Variants in REXO5 observed in about 807,000 individuals in gnomAD.
REXO5 encodes the protein RNA exonuclease 5.
A neutral mutation model predicts 88.5 loss-of-function variants in REXO5; 48 were observed. That is an observed-to-expected ratio of 0.54 (90% CI 0.43 to 0.69). The LOEUF (loss-of-function observed/expected upper bound fraction) is 0.69. Among genes scored for constraint, REXO5 ranks in the 30% least tolerant of loss-of-function variants. The probability of loss-of-function intolerance (pLI) is 0.00; values close to 1 mark genes in which losing one functional copy is unlikely to be tolerated. For missense variants in REXO5, 749 were observed against 912.2 expected (o/e 0.82, Z 2.30); for synonymous variants, 311 against 336.5 (o/e 0.92, Z 0.83).
At chr16:20,808,536 T>C (rs2080946579) in intron 2 of REXO5, among the ~76,000 whole-genome samples, 1 of 152,012 alleles carries the variant, frequency 6.6e-6, no homozygotes, top group Admixed American at 6.6e-5. Flanking sequence ...ACTGCCCTAG[T>C]AGGTCTTATA....
rs375378143 is a variant in REXO5, at chr16:20,840,479, A to G, written c.1626+11A>G. On this transcript the variant is annotated intron_variant, in intron 15 of 19. Transcript: ENST00000261377. ...CTTGAAACCCGTCAGGTAAGACCGG[A>G]AAATTCAGATTTCATTTTCTAGATT... is the stretch of plus-strand genomic sequence containing the variant. 56 of 1,537,092 alleles carry G rather than the reference A, an allele frequency of 3.6e-5. 1 individual carries two copies. The South Asian group carries it at 4.6e-4, about 13-fold the overall frequency.
At chr16:20,830,538 A>G (rs2152506916) in intron 11 of REXO5, among the ~76,000 whole-genome samples, 1 of 152,260 alleles carries the variant, frequency 6.6e-6, no homozygotes, top group South Asian at 2.1e-4. Flanking sequence ...TGCAACAAGT[A>G]AGAACACCAG....
rs768987625 is a variant in REXO5, at chr16:20,828,851, A to AGGGAGGCAGAGGTTGCG, written c.1158+331_1158+347dup. Among the ~76,000 whole-genome samples, 9 of 151,728 alleles carry AGGGAGGCAGAGGTTGCG rather than the reference A, an allele frequency of 5.9e-5. No individual in the cohort carries two copies. The East Asian group carries it at 7.8e-4, about 13-fold the overall frequency. Reference sequence around the variant, plus strand: ...CTGAGACAGGAGAATCGCTTGAACCAGGGAGGCAGAGGTTGCGGGGAGGCA... The same window carrying AGGGAGGCAGAGGTTGCG: ...CTGAGACAGGAGAATCGCTTGAACCAGGGAGGCAGAGGTTGCGGGGAGGCAGAGGTTGCGGGGAGGCA... On this transcript the variant is annotated intron_variant, in intron 11 of 19. Coordinates refer to ENST00000261377, the MANE Select transcript of REXO5 (RefSeq NM_030941.3).
At position 20,843,970 on chromosome 16, in the gene REXO5, G is replaced by T. The variant is rs2081568528; in HGVS notation, c.1663G>T (p.Ala555Ser). 6.2e-7 allele frequency: 1 copy of T among 1,608,520 alleles called. No individual in the cohort carries two copies. The highest frequency in any genetic ancestry group is 8.5e-7 in the Non-Finnish European group (1 of 1,175,000). ...LCIQYEVLEAAQLAIESLDGI... is the reference protein window; with the variant it reads ...LCIQYEVLEASQLAIESLDGI... ...TATACAGTATGAAGTCCTAGAAGCT[G>T]CCCAGCTGGCCATAGAATCCTTGGA... The change falls in exon 16 of 20, where the codon GCC becomes TCC. Residue 555 changes from alanine to serine, a missense_variant. Physicochemically the swap from Ala to Ser is moderately conservative, Grantham distance 99. Transcript: ENST00000261377.
chr16:20,840,597 C>A, intron 15 of REXO5, 129 bp downstream of exon 15: 1 of 721,828 alleles, frequency 1.4e-6, no homozygotes, highest in Non-Finnish European at 2.2e-6. Flanking sequence ...GTGAGACATA[C>A]TCTAATGAGA....
chr16:20,830,862 C>T (rs187563543), intron 11 of REXO5, among the ~76,000 whole-genome samples: 13 of 152,064 alleles, frequency 8.5e-5, no homozygotes, highest in Non-Finnish European at 1.5e-4. Flanking sequence ...CACCTGAAGA[C>T]CCAGGGACTC....
chr16:20,832,168 A>C lies in REXO5; in HGVS notation c.1171A>C (p.Asn391His), dbSNP rs1444060241. 6.2e-7 allele frequency: 1 copy of C among 1,607,884 alleles called. No individual in the cohort carries two copies. Among genetic ancestry groups the C allele is most frequent in the African/African-American group, 1.3e-5 (1 of 74,508 alleles). ...KHGPKKIAEL[N>H]LEALANHQEI... is the part of the protein sequence containing the mutation. ...TGTTTTCTTCAAGATTGCAGAACTA[A>C]ATCTAGAAGCACTAGCTAATCACCA... Residue 391 changes from asparagine to histidine, a missense_variant, in exon 12 of 20, where the codon AAT becomes CAT. Asn to His is a moderately conservative substitution (Grantham distance 68, BLOSUM62 1). Transcript: ENST00000261377.
intron 5 of REXO5, among the ~76,000 whole-genome samples, chr16:20,820,017 A>C (rs1168133505): frequency 6.6e-6 from 1 of 152,084 alleles, no homozygotes; most frequent in African/African-American, 2.4e-5. Context: ...TGGCCTCCCA[A>C]ATTGCTGGGA....
At chr16:20,806,842 C>A (rs2080886999) in intron 1 of REXO5, 110 bp from the exon 2 acceptor site, 3 of 1,424,488 alleles carry the variant, frequency 2.1e-6, no homozygotes, top group Non-Finnish European at 2.8e-6. Context: ...GAAGCGGATC[C>A]GAGGGAGGTT....
intron 13 of REXO5, among the ~76,000 whole-genome samples, chr16:20,835,708 A>G (rs975543454): frequency 4.0e-5 from 6 of 151,364 alleles, no homozygotes; most frequent in Non-Finnish European, 8.8e-5. Flanking sequence ...TGTTATTTTA[A>G]TAGACTTTTA....
chr16:20,814,778 T>C, intron 3 of REXO5, 149 bp from the exon 4 acceptor site: 1 of 684,778 alleles, frequency 1.5e-6, no homozygotes, highest in Non-Finnish European at 2.3e-6. Flanking sequence ...ATGGCTGTCT[T>C]CCAGTTCCAG....
At chr16:20,819,446 CCTT>C (rs1179371477) in intron 5 of REXO5, among the ~76,000 whole-genome samples, 15 of 124,074 alleles carry the variant, frequency 1.2e-4, no homozygotes, top group African/African-American at 3.5e-4. Context: ...TTTCTTTCCT[CCTT>C]TTTTTTTTTT....
chr16:20,814,841 G>A, intron 3 of REXO5, 86 bp from the exon 4 acceptor site: 1 of 1,346,476 alleles, frequency 7.4e-7, no homozygotes, highest in Non-Finnish European at 1.0e-6. Flanking sequence ...TGCTTTTCCT[G>A]CGCCTTCTCC....
Position 20,849,515 on chromosome 16 carries a change from C to T in REXO5, c.*35C>T. 1 of 1,596,292 alleles carries T rather than the reference C, an allele frequency of 6.3e-7. No homozygotes were observed. Among genetic ancestry groups the T allele is most frequent in the Non-Finnish European group, 8.6e-7 (1 of 1,163,902 alleles). On this transcript the variant is annotated 3_prime_UTR_variant, in exon 20 of 20. Transcript: ENST00000261377. ...CCATGTTTCCATGTGCCATTTCTTA[C>T]CCCTTGTAGGCAATGGCAAAGAATG...
intron 5 of REXO5, among the ~76,000 whole-genome samples, chr16:20,821,544 T>C (rs2081185975): frequency 1.3e-5 from 2 of 152,328 alleles, no homozygotes; most frequent in South Asian, 4.1e-4. Flanking sequence ...TCTGCCTGCC[T>C]CAGCCTCCCA....
intron 2 of REXO5, among the ~76,000 whole-genome samples, chr16:20,811,537 G>A (rs938376192): frequency 3.9e-5 from 6 of 152,084 alleles, no homozygotes; most frequent in Admixed American, 6.5e-5. Context: ...GCTTAAGTTC[G>A]GGAGTAGGGA....
intron 1 of REXO5, 39 bp from the exon 2 acceptor site, chr16:20,806,913 G>T: frequency 3.2e-6 from 5 of 1,550,416 alleles, no homozygotes; most frequent in Non-Finnish European, 4.4e-6. Context: ...GAATAGGGGC[G>T]CTGGAGTTTC....
At chr16:20,833,469 T>G (rs2081377934) in intron 13 of REXO5, among the ~76,000 whole-genome samples, 1 of 152,240 alleles carries the variant, frequency 6.6e-6, no homozygotes, top group South Asian at 2.1e-4. Flanking sequence ...TTGCTGTATG[T>G]TAAGTCAGAG....
rs796154415 is a variant in REXO5 at position 20,830,353 on chromosome 16, A to AT, written c.1159-1789dup. ...AGGTGCCTGCCACCACACCTTGCTA[A>AT]TTTTTTTTTTTTTTGTATTTTTATT... On this transcript the variant is annotated intron_variant, in intron 11 of 19. Transcript: ENST00000261377. Among the ~76,000 whole-genome samples, 747 of 141,978 alleles carry AT rather than the reference A, an allele frequency of 5.3e-3. 1 individual carries two copies. The highest frequency in any genetic ancestry group is 0.014 in the South Asian group (64 of 4,414). 93.1% of individuals were successfully genotyped at this position (141,978 alleles called of 152,430 possible).
Sources: allele counts gnomAD v4.1 joint callset (sites outside exome capture counted in the v4.1 genomes callset), GRCh38; gene constraint gnomAD v4.1.1; transcripts MANE v1.5; gene names NCBI Gene and HGNC (gene_info 2026-07-23, HGNC 2026-07-21).